GRIK2: variants seen among roughly 807,000 people sequenced by gnomAD.
GRIK2 encodes the protein glutamate ionotropic receptor kainate type subunit 2, also known as glutamate receptor ionotropic, kainate 2.
A neutral mutation model predicts 100.3 loss-of-function variants in GRIK2; 32 were observed. That is an observed-to-expected ratio of 0.32 (90% CI 0.24 to 0.43). The LOEUF (loss-of-function observed/expected upper bound fraction) is 0.43. Among genes scored for constraint, GRIK2 ranks in the 20% least tolerant of loss-of-function variants. The pLI is 1.00. For missense variants in GRIK2, 843 were observed against 1,114.9 expected, an observed-to-expected ratio of 0.76 and a Z score of 3.47; for synonymous variants, 417 against 389.4, an observed-to-expected ratio of 1.07 and a Z score of -0.83.
chr6:101,653,946 T>G (rs908250032), intron 4 of GRIK2, among the ~76,000 whole-genome samples: 2 of 152,110 alleles, frequency 1.3e-5, no homozygotes, highest in African/African-American at 4.8e-5. Flanking sequence ...TAGTGGAAAA[T>G]TATACCGGCT....
chr6:101,673,971 T>C (rs539811370), intron 4 of GRIK2, among the ~76,000 whole-genome samples: 20 of 152,328 alleles, frequency 1.3e-4, no homozygotes, highest in African/African-American at 4.3e-4. Flanking sequence ...AGATTATAAG[T>C]CATACACATT....
chr6:102,042,068 C>T (rs1273603476), intron 15 of GRIK2, among the ~76,000 whole-genome samples: 2 of 151,502 alleles, frequency 1.3e-5, no homozygotes, highest in South Asian at 2.1e-4. Flanking sequence ...TTGATATCTA[C>T]TATATAAAGT....
At chr6:101,627,061 G>A (rs547071681) in intron 4 of GRIK2, among the ~76,000 whole-genome samples, 2 of 151,344 alleles carry the variant, frequency 1.3e-5, no homozygotes, top group African/African-American at 4.9e-5. Flanking sequence ...AAAACAATAT[G>A]GTCTAACAAT....
intron 2 of GRIK2, among the ~76,000 whole-genome samples, chr6:101,585,122 G>T (rs1427479908): frequency 6.6e-6 from 1 of 151,814 alleles, no homozygotes; most frequent in African/African-American, 2.4e-5. Flanking sequence ...TAACCCTTAG[G>T]CATGATTATA....
At chr6:101,689,197 G>A (rs1263707991) in intron 7 of GRIK2, among the ~76,000 whole-genome samples, 1 of 151,972 alleles carries the variant, frequency 6.6e-6, no homozygotes, top group Non-Finnish European at 1.5e-5. Context: ...TTATAGCCTG[G>A]CATTGTGGCA....
At chr6:101,514,206 T>G (rs1774464346) in intron 2 of GRIK2, among the ~76,000 whole-genome samples, 1 of 151,954 alleles carries the variant, frequency 6.6e-6, no homozygotes, top group African/African-American at 2.4e-5. Context: ...AAAAGAAAAC[T>G]TTGATTCTTA....
At chr6:101,883,855 C>G (rs2128454733) in intron 11 of GRIK2, among the ~76,000 whole-genome samples, 1 of 152,260 alleles carries the variant, frequency 6.6e-6, no homozygotes, top group East Asian at 1.9e-4. Context: ...AATGATGGAA[C>G]TAATGTTGAT....
intron 7 of GRIK2, among the ~76,000 whole-genome samples, chr6:101,795,628 C>A (rs550720202): frequency 6.6e-6 from 1 of 152,318 alleles, no homozygotes; most frequent in South Asian, 2.1e-4. Flanking sequence ...GTGGGACCAC[C>A]CTTGGACTCT....
At chr6:101,506,501 A>T (rs1233142613) in intron 2 of GRIK2, among the ~76,000 whole-genome samples, 1 of 152,160 alleles carries the variant, frequency 6.6e-6, no homozygotes, top group African/African-American at 2.4e-5. Flanking sequence ...AGAATTTTTA[A>T]ACTTCTACTC....
intron 2 of GRIK2, among the ~76,000 whole-genome samples, chr6:101,405,289 T>C (rs1775534976): frequency 6.6e-6 from 1 of 152,140 alleles, no homozygotes; most frequent in Admixed American, 6.6e-5. Context: ...TCATATACTG[T>C]GAACCTAGGT....
At chr6:101,450,451 C>A (rs1770613437) in intron 2 of GRIK2, among the ~76,000 whole-genome samples, 1 of 151,548 alleles carries the variant, frequency 6.6e-6, no homozygotes, top group Non-Finnish European at 1.5e-5. Flanking sequence ...ACTGAACATT[C>A]CAGAAATTTG....
chr6:102,050,778 G>A (rs1771139425), intron 15 of GRIK2, among the ~76,000 whole-genome samples: 1 of 151,138 alleles, frequency 6.6e-6, no homozygotes, highest in African/African-American at 2.4e-5. Flanking sequence ...GAAAAGGAGG[G>A]TAGAGGGAGA....
intron 7 of GRIK2, among the ~76,000 whole-genome samples, chr6:101,689,834 A>G (rs1198556226): frequency 2.0e-5 from 3 of 152,054 alleles, no homozygotes; most frequent in Non-Finnish European, 4.4e-5. Flanking sequence ...AACTCTTTCC[A>G]TACTCTGCAT....
intron 7 of GRIK2, among the ~76,000 whole-genome samples, chr6:101,789,336 C>T (rs146292208): frequency 0.033 from 5,084 of 152,112 alleles, 197 homozygotes; most frequent in African/African-American, 0.094. Context: ...TTTATGGTTT[C>T]AGGTCTAACA....
intron 11 of GRIK2, among the ~76,000 whole-genome samples, chr6:101,868,683 T>A (rs1562451371): frequency 6.6e-6 from 1 of 151,832 alleles, no homozygotes; most frequent in Non-Finnish European, 1.5e-5. Context: ...AATCATAGCA[T>A]GAAATGTATT....
Position 101,859,432 on chromosome 6 carries a change from A to C in GRIK2, c.1463A>C (p.Tyr488Ser). Reference protein sequence around the residue: ...YEIRLVEDGKYGAQDDANGQW... With the variant: ...YEIRLVEDGKSGAQDDANGQW... ...ATTAGACTTGTGGAAGATGGGAAAT[A>C]TGGAGCCCAGGATGATGCCAATGGA... Residue 488 changes from tyrosine (Y) to serine (S), a missense_variant, in exon 11 of 17, where the codon TAT (tyrosine) becomes TCT (serine). Tyr to Ser is a moderately radical substitution (Grantham distance 144, BLOSUM62 -2). Transcript: ENST00000369134. The C allele has an allele frequency of 1.2e-6, 2 of 1,610,794 alleles. No homozygotes were observed. Among genetic ancestry groups the C allele is most frequent in the Non-Finnish European group, 1.7e-6 (2 of 1,177,196 alleles).
At chr6:101,934,575 A>G (rs1487653658) in intron 14 of GRIK2, among the ~76,000 whole-genome samples, 1 of 151,886 alleles carries the variant, frequency 6.6e-6, no homozygotes, top group Non-Finnish European at 1.5e-5. Context: ...AATGTAAGTA[A>G]CTTTTCCATT....
intron 2 of GRIK2, among the ~76,000 whole-genome samples, chr6:101,481,646 C>A (rs1462470443): frequency 6.6e-6 from 1 of 151,920 alleles, no homozygotes; most frequent in African/African-American, 2.4e-5. Context: ...CTGATAAATA[C>A]AATTTAATTT....
chr6:101,895,663 A>G (rs1054931610), intron 12 of GRIK2, among the ~76,000 whole-genome samples: 11 of 151,806 alleles, frequency 7.2e-5, no homozygotes, highest in African/African-American at 2.4e-4. Context: ...ATTAAAATGA[A>G]ATGCCAATTT....
Sources: allele counts gnomAD v4.1 joint callset (sites outside exome capture counted in the v4.1 genomes callset), GRCh38; gene constraint gnomAD v4.1.1; transcripts MANE v1.5; gene names NCBI Gene and HGNC (gene_info 2026-07-23, HGNC 2026-07-21).